The following PCDHA8 variants were observed in gnomAD, a reference collection of about 807,000 sequenced individuals.
The protein encoded by PCDHA8 is protocadherin alpha 8.
A neutral mutation model predicts 61.8 loss-of-function variants in PCDHA8; 53 were observed. The observed-to-expected ratio is 0.86, with a 90% CI of 0.69 to 1.08. PCDHA8 has a LOEUF of 1.08. Among genes scored for constraint, PCDHA8 ranks in the 50% least tolerant of loss-of-function variants. The pLI, the probability that PCDHA8 is intolerant of heterozygous loss-of-function variation, is 0.00. For synonymous variants in PCDHA8, 618 were observed against 556.6 expected, an observed-to-expected ratio of 1.11 and a Z score of -1.55; for missense variants, 1,293 against 1,245.0, an observed-to-expected ratio of 1.04 and a Z score of -0.58.
chr5:140,881,300 T>C, intron 1 of PCDHA8: 3 of 957,608 alleles, frequency 3.1e-6, no homozygotes, highest in Non-Finnish European at 3.7e-6. Flanking sequence ...ATGGAAACTT[T>C]AACCTCCTGG....
chr5:140,859,508 T>G (rs1298997050), intron 1 of PCDHA8: 1 of 197,594 alleles, frequency 5.1e-6, no homozygotes, highest in Non-Finnish European at 1.0e-5. Context: ...CTGATACCCA[T>G]GATTTCATTT....
At chr5:141,009,327 C>A (rs1445732436) in intron 3 of PCDHA8, among the ~76,000 whole-genome samples, 3 of 152,142 alleles carry the variant, frequency 2.0e-5, no homozygotes, top group Non-Finnish European at 2.9e-5. Context: ...GGCATGGGAG[C>A]TTGTGCCTGT....
chr5:140,980,455 C>T (rs1412427414), intron 2 of PCDHA8, among the ~76,000 whole-genome samples: 1 of 152,086 alleles, frequency 6.6e-6, no homozygotes, highest in African/African-American at 2.4e-5. Context: ...CACGGTGAAA[C>T]CCTGTCTCTA....
At chr5:140,993,460 TCTCACA>T (rs782519654) in intron 3 of PCDHA8, among the ~76,000 whole-genome samples, 239 of 104,566 alleles carry the variant, frequency 2.3e-3, no homozygotes, top group Admixed American at 6.0e-3. Context: ...CTTCTTTCTT[TCTCACA>T]CACACACACA....
At chr5:140,928,120 G>A (rs368067553) in intron 1 of PCDHA8, 5 of 1,614,062 alleles carry the variant, frequency 3.1e-6, no homozygotes, top group African/African-American at 1.3e-5. Context: ...GCAGATCAGT[G>A]AATACCAAGT....
At chr5:141,009,295 A>T (rs782350734) in intron 3 of PCDHA8, among the ~76,000 whole-genome samples, 13 of 152,030 alleles carry the variant, frequency 8.6e-5, no homozygotes, top group Admixed American at 3.9e-4. Context: ...TTTCTATAAA[A>T]TTTTTTTTAA....
intron 1 of PCDHA8, chr5:140,967,137 T>C: frequency 1.2e-6 from 2 of 1,611,728 alleles, no homozygotes; most frequent in Non-Finnish European, 1.7e-6. Context: ...TTGGAAGTGC[T>C]GGCGCACAAC....
In PCDHA8 at chr5:141,010,504, A is replaced by C; in HGVS notation, c.*567A>C. On this transcript the variant is annotated 3_prime_UTR_variant, in exon 4 of 4. Transcript: ENST00000531613. ...AACTTAAAGGGACCAGACTTTCTAA[A>C]TCTTACAACTCAAGAGGTGGCAGCC... is the stretch of plus-strand genomic sequence containing the variant. 1.8e-6 allele frequency: 1 copy of C among 549,734 alleles called. No homozygotes were observed. Among genetic ancestry groups the C allele is most frequent in the Non-Finnish European group, 2.9e-6 (1 of 344,512 alleles). The allele number at this position is 549,734 out of a possible 1,614,324, so 34.1% of individuals were successfully genotyped here.
At position 140,863,585 on chromosome 5, in the gene PCDHA8, A is replaced by G. The variant is rs1365017699; in HGVS notation, c.2394+19870A>G. ...GAGAATATAAGTACTGTAATCCTGG[A>G]AAGTATTTCATTCCTATTAATGTCC... On this transcript the variant is annotated intron_variant, in intron 1 of 3. Coordinates refer to ENST00000531613, the MANE Select transcript of PCDHA8 (RefSeq NM_018911.3). The G allele has an allele frequency of 3.6e-5, 13 of 361,228 alleles. No homozygotes were observed. The East Asian group carries it at 7.6e-4, about 21-fold the overall frequency. The allele number at this position is 361,228 out of a possible 1,614,324, so 22.4% of individuals were successfully genotyped here.
chr5:140,883,852 G>A (rs1554180292), intron 1 of PCDHA8: 1 of 1,612,972 alleles, frequency 6.2e-7, no homozygotes. Flanking sequence ...ACGAGGAGCT[G>A]GAGCTGTTGC....
At chr5:140,955,654 A>G (rs2095214723) in intron 1 of PCDHA8, among the ~76,000 whole-genome samples, 1 of 152,208 alleles carries the variant, frequency 6.6e-6, no homozygotes, top group South Asian at 2.1e-4. Flanking sequence ...TAATACACAT[A>G]TGAATTTTAA....
chr5:140,931,259 CTATT>C (rs1407255574), intron 1 of PCDHA8, among the ~76,000 whole-genome samples: 2 of 152,080 alleles, frequency 1.3e-5, no homozygotes, highest in African/African-American at 4.8e-5. Flanking sequence ...AGAAATTTCA[CTATT>C]TATTTCTTTT....
At chr5:140,941,618 C>A (rs532721732) in intron 1 of PCDHA8, among the ~76,000 whole-genome samples, 1 of 151,904 alleles carries the variant, frequency 6.6e-6, no homozygotes, top group African/African-American at 2.4e-5. Context: ...CCCAGCCCAT[C>A]CTGCTTCTTA....
At chr5:140,933,630 C>T (rs2089281438) in intron 1 of PCDHA8, among the ~76,000 whole-genome samples, 1 of 151,952 alleles carries the variant, frequency 6.6e-6, no homozygotes, top group Admixed American at 6.6e-5. Flanking sequence ...TAGGCTGGCC[C>T]TGTTAAACAA....
intron 1 of PCDHA8, chr5:140,969,172 G>T (rs782196654): frequency 1.2e-5 from 19 of 1,614,086 alleles, no homozygotes; most frequent in Non-Finnish European, 1.5e-5. Context: ...CAGGCTCAGG[G>T]AGTGACACTT....
intron 1 of PCDHA8, chr5:140,863,191 G>A: frequency 1.2e-6 from 1 of 802,224 alleles, no homozygotes; most frequent in Non-Finnish European, 2.1e-6. Flanking sequence ...CACCGTGGTG[G>A]CGTCGCTGGC....
rs183311315 is a variant in PCDHA8, at chr5:140,913,513, T to C, written c.2395-65436T>C. ...AGTCTGTTTAAAACTTTGTCAATTTTATTTATCTTTTCAAAAGATTGACTT... is the reference window on the plus strand; with the variant it reads ...AGTCTGTTTAAAACTTTGTCAATTTCATTTATCTTTTCAAAAGATTGACTT... On this transcript the variant is annotated intron_variant, in intron 1 of 3. Coordinates refer to ENST00000531613, the MANE Select transcript of PCDHA8 (RefSeq NM_018911.3). Among the ~76,000 whole-genome samples, 393 of 152,272 alleles carry C rather than the reference T, an allele frequency of 2.6e-3. 2 individuals are homozygous for C. The highest frequency in any genetic ancestry group is 9.2e-3 in the African/African-American group (382 of 41,572).
chr5:140,966,938 G>A (rs1159097726), intron 1 of PCDHA8: 1 of 1,604,146 alleles, frequency 6.2e-7, no homozygotes, highest in African/African-American at 1.3e-5. Context: ...CGGCGCGCTC[G>A]TGGGCAACGT....
At chr5:140,944,629 A>G (rs1371756120) in intron 1 of PCDHA8, among the ~76,000 whole-genome samples, 3 of 152,172 alleles carry the variant, frequency 2.0e-5, no homozygotes, top group African/African-American at 7.2e-5. Context: ...ATAGTGTTGT[A>G]AGCCAGTGTG....
Sources: gnomAD v4.1 joint callset for allele counts (sites outside exome capture counted in the v4.1 genomes callset) on GRCh38, gnomAD v4.1.1 for gene constraint, MANE v1.5 for transcripts, NCBI Gene and HGNC (gene_info 2026-07-23, HGNC 2026-07-21) for gene names.